GPBP1L1: variants seen among roughly 807,000 people sequenced by gnomAD.
The protein encoded by GPBP1L1 is vasculin-like protein 1.
In GPBP1L1, 23 loss-of-function variants were observed where a neutral mutation model predicts 52.5. The ratio of observed to expected loss-of-function variants is 0.44; its 90% CI spans 0.32 to 0.62. GPBP1L1 has a LOEUF of 0.62. Among genes scored for constraint, GPBP1L1 ranks in the 20% least tolerant of loss-of-function variants. The pLI is 0.06. For missense variants in GPBP1L1, 596 were observed against 579.3 expected, an observed-to-expected ratio of 1.03 and a Z score of -0.30; for synonymous variants, 243 against 203.1, an observed-to-expected ratio of 1.20 and a Z score of -1.67.
At chr1:45,657,978 T>G (rs1461614735) in intron 4 of GPBP1L1, among the ~76,000 whole-genome samples, 4 of 152,218 alleles carry the variant, frequency 2.6e-5, no homozygotes, top group Non-Finnish European at 5.9e-5. Context: ...CCTTTATTTT[T>G]GGGAATGCCT....
chr1:45,658,937 G>T, intron 4 of GPBP1L1, 91 bp downstream of exon 4: 1 of 863,602 alleles, frequency 1.2e-6, no homozygotes, highest in Non-Finnish European at 2.0e-6. Flanking sequence ...GGGAGACCCT[G>T]TCTCAAAACA....
intron 12 of GPBP1L1, 141 bp from the exon 13 acceptor site, chr1:45,628,549 ATC>A: frequency 3.1e-6 from 2 of 655,246 alleles, no homozygotes; most frequent in Non-Finnish European, 5.1e-6. Flanking sequence ...ACCCTCTGAG[ATC>A]TCTTATACCA....
intron 12 of GPBP1L1, among the ~76,000 whole-genome samples, chr1:45,628,829 A>C (rs1644491990): frequency 6.6e-6 from 1 of 152,006 alleles, no homozygotes; most frequent in Non-Finnish European, 1.5e-5. Context: ...ACGCCTAGTT[A>C]ATTTTTGTAT....
chr1:45,658,733 C>T (rs974681082), intron 4 of GPBP1L1: 3 of 354,358 alleles, frequency 8.5e-6, no homozygotes, highest in Non-Finnish European at 1.5e-5. Flanking sequence ...AGTTGAAAAC[C>T]AGCCTGGGCA....
Position 45,654,629 on chromosome 1 carries a change from C to T in GPBP1L1, c.391G>A (p.Ala131Thr). Residue 131 changes from alanine to threonine, a missense_variant, in exon 6 of 13, where the codon GCT becomes ACT. Transcript: ENST00000355105. Reference sequence around the variant, plus strand: ...TCCATAGGTGGCTTTTCCTGAAAAGCACACCCTTTCCGGGAGTGGAAGCTG... The same window carrying T: ...TCCATAGGTGGCTTTTCCTGAAAAGTACACCCTTTCCGGGAGTGGAAGCTG... ...NGSFHSRKGC[A>T]FQEKPPMEIR... The T allele has an allele frequency of 5.6e-6, 9 of 1,614,186 alleles. No homozygotes were observed. The highest frequency in any genetic ancestry group is 3.3e-4 in the Middle Eastern group (2 of 6,062).
At chr1:45,642,741 A>C (rs117597851) in intron 6 of GPBP1L1, among the ~76,000 whole-genome samples, 1 of 152,350 alleles carries the variant, frequency 6.6e-6, no homozygotes, top group East Asian at 1.9e-4. Context: ...AAGGGATTTC[A>C]TTTATTTTAA....
intron 2 of GPBP1L1, among the ~76,000 whole-genome samples, chr1:45,663,278 A>C (rs1644969033): frequency 6.6e-6 from 1 of 152,180 alleles, no homozygotes; most frequent in Non-Finnish European, 1.5e-5. Context: ...GAGATAAATC[A>C]TCTGTTAGGG....
At chr1:45,637,805 C>T (rs1416862814) in intron 8 of GPBP1L1, among the ~76,000 whole-genome samples, 2 of 152,066 alleles carry the variant, frequency 1.3e-5, no homozygotes, top group East Asian at 3.8e-4. Flanking sequence ...AGGTTGGTAA[C>T]AATAGCTACC....
At chr1:45,681,960 T>G (rs1645217298) in intron 2 of GPBP1L1, among the ~76,000 whole-genome samples, 1 of 152,192 alleles carries the variant, frequency 6.6e-6, no homozygotes, top group Admixed American at 6.5e-5. Flanking sequence ...TTACTTAACT[T>G]CTTGGAACCT....
At chr1:45,657,135 C>T (rs557976992) in intron 4 of GPBP1L1, among the ~76,000 whole-genome samples, 1 of 152,142 alleles carries the variant, frequency 6.6e-6, no homozygotes, top group South Asian at 2.1e-4. Flanking sequence ...AACAATTATT[C>T]TTCTCTGATA....
At chr1:45,685,666 G>C (rs1334923200) in intron 1 of GPBP1L1, 46 bp from the exon 2 acceptor site, 1 of 152,200 alleles carries the variant, frequency 6.6e-6, no homozygotes, top group African/African-American at 2.4e-5. Context: ...TGTCCCCACA[G>C]GGGAAAGGAC....
rs570980383 is a variant in GPBP1L1 at position 45,660,647 on chromosome 1, A to T, written c.-519T>A. ...ACAAATAATGTCATCAAGGTAATAG[A>T]TCAAAAATATTAAAGCCCTATAAAA... is the stretch of plus-strand genomic sequence containing the variant. On this transcript the variant is annotated 5_prime_UTR_variant, in exon 3 of 13. Transcript: ENST00000355105. 1.5e-6 allele frequency: 1 copy of T among 689,422 alleles called. No homozygotes were observed. The highest frequency in any genetic ancestry group is 1.9e-5 in the African/African-American group (1 of 51,568). 42.7% of individuals were successfully genotyped at this position (689,422 alleles called of 1,614,324 possible). A position where few individuals can be genotyped will look rare whatever the true frequency, so the allele number is the denominator to read the frequency against.
chr1:45,634,441 T>C (rs2148424955), intron 8 of GPBP1L1: 1 of 453,578 alleles, frequency 2.2e-6, no homozygotes, highest in Middle Eastern at 6.0e-4. Context: ...GAAGAGCCAT[T>C]GGACATTAAT....
At chr1:45,636,767 C>G (rs948229283) in intron 8 of GPBP1L1, among the ~76,000 whole-genome samples, 1 of 152,182 alleles carries the variant, frequency 6.6e-6, no homozygotes, top group East Asian at 1.9e-4. Flanking sequence ...GATCACAACC[C>G]TAGAAAGTGT....
intron 10 of GPBP1L1, among the ~76,000 whole-genome samples, chr1:45,631,613 CA>C (rs1644531874): frequency 6.6e-6 from 1 of 152,116 alleles, no homozygotes; most frequent in Admixed American, 6.5e-5. Context: ...TTCTGCTTTG[CA>C]AAACACTCTG....
At chr1:45,630,989 G>T (rs1220027035) in intron 10 of GPBP1L1, among the ~76,000 whole-genome samples, 2 of 152,028 alleles carry the variant, frequency 1.3e-5, no homozygotes, top group Non-Finnish European at 2.9e-5. Flanking sequence ...GGACAGAACA[G>T]AGAGCCCACA....
Position 45,654,799 on chromosome 1 carries a change from TG to T in GPBP1L1, c.220del (p.His74MetfsTer33), listed in dbSNP as rs1557708137. ...DSWHQPSLFRHDSVDSGVSKG... is the reference protein window; with the variant it reads ...DSWHQPSLFRXDSVDSGVSKG... ...AGAGACACCAGAGTCCACAGAATCA[TG>T]GCGGAACAGGGAGGGCTGGTGCCAA... On this transcript the variant is annotated frameshift_variant, in exon 6 of 13. Transcript: ENST00000355105. LOFTEE classifies it high-confidence loss of function. The T allele has an allele frequency of 6.2e-7, 1 of 1,614,122 alleles. No individual in the cohort carries two copies. Among genetic ancestry groups the T allele is most frequent in the Admixed American group, 1.7e-5 (1 of 59,994 alleles).
chr1:45,684,276 A>AG (rs1491087668), intron 2 of GPBP1L1, among the ~76,000 whole-genome samples: 1 of 149,630 alleles, frequency 6.7e-6, no homozygotes, highest in Non-Finnish European at 1.5e-5. Context: ...AAAAAAAAAA[A>AG]AGAAAAAGAA....
At chr1:45,674,260 A>G (rs1349057979) in intron 2 of GPBP1L1, among the ~76,000 whole-genome samples, 1 of 152,252 alleles carries the variant, frequency 6.6e-6, no homozygotes, top group Admixed American at 6.5e-5. Flanking sequence ...GGACTGACAC[A>G]GGATTGCCTA....
Sources: gnomAD v4.1 joint callset for allele counts (sites outside exome capture counted in the v4.1 genomes callset) on GRCh38, gnomAD v4.1.1 for gene constraint, MANE v1.5 for transcripts, NCBI Gene and HGNC (gene_info 2026-07-23, HGNC 2026-07-21) for gene names.